ATG7: variants seen among roughly 807,000 people sequenced by gnomAD.
ATG7 encodes the protein autophagy related 7.
ATG7 carries 70 observed loss-of-function variants against 82.4 expected under a neutral mutation model. The ratio of observed to expected loss-of-function variants is 0.85; its 90% CI spans 0.70 to 1.04. The LOEUF is 1.04. Ranked by LOEUF, ATG7 falls within the 50% of genes least tolerant of loss-of-function variation. The probability of loss-of-function intolerance (pLI) is 0.00; values close to 1 mark genes in which losing one functional copy is unlikely to be tolerated. For synonymous variants in ATG7, 287 were observed against 313.0 expected (o/e 0.92, Z 0.88); for missense variants, 792 against 864.3 (o/e 0.92, Z 1.05).
the ATG7 span, chr3:11,564,790 G>C: frequency 3.2e-6 from 5 of 1,542,110 alleles, no homozygotes; most frequent in Non-Finnish European, 4.4e-6. Flanking sequence ...CCCAGACAGA[G>C]GCCCACCTGC....
intron 9 of ATG7, among the ~76,000 whole-genome samples, chr3:11,327,822 C>T (rs1951089608): frequency 6.6e-6 from 1 of 152,158 alleles, no homozygotes; most frequent in Non-Finnish European, 1.5e-5. Context: ...GTGTATGAAT[C>T]ACCTGGGTTC....
At chr3:11,366,218 C>T (rs892749813) in intron 18 of ATG7, among the ~76,000 whole-genome samples, 10 of 60,648 alleles carry the variant, frequency 1.6e-4, no homozygotes, top group Non-Finnish European at 2.8e-4. Context: ...GACTCCATCT[C>T]AAAAAAAAAA....
At chr3:11,415,801 T>C (rs1375837677) in intron 19 of ATG7, among the ~76,000 whole-genome samples, 2 of 151,698 alleles carry the variant, frequency 1.3e-5, no homozygotes, top group African/African-American at 4.8e-5. Flanking sequence ...TACACTTTGC[T>C]AAAATAATGC....
At chr3:11,450,351 G>T (rs1213205514) in intron 20 of ATG7, among the ~76,000 whole-genome samples, 3 of 152,156 alleles carry the variant, frequency 2.0e-5, no homozygotes, top group African/African-American at 7.2e-5. Flanking sequence ...AGGCCTTCAC[G>T]TGTTTGACCA....
intron 20 of ATG7, among the ~76,000 whole-genome samples, chr3:11,520,844 C>G (rs1401244538): frequency 6.6e-6 from 1 of 152,164 alleles, no homozygotes; most frequent in East Asian, 1.9e-4. Context: ...AGGAGCCACC[C>G]CACACCTCAC....
At chr3:11,347,509 G>A (rs535127203) in intron 13 of ATG7, among the ~76,000 whole-genome samples, 11 of 152,232 alleles carry the variant, frequency 7.2e-5, no homozygotes, top group South Asian at 4.1e-4. Flanking sequence ...TTAATTATTC[G>A]TTAAGGGAAA....
chr3:11,506,587 C>CAAAA lies in ATG7; in HGVS notation c.2080-48222_2080-48219dup, dbSNP rs1275955326. On this transcript the variant is annotated intron_variant, in intron 20 of 20. Coordinates refer to ENST00000693202, the MANE Select transcript of ATG7 (RefSeq NM_001349232.2). The stretch of plus-strand genomic sequence containing the variant: ...AAAAAAAAAAAAAAAAAAAAAAACC[C>CAAAA]AAAAATTAGCTGGGAGTGGTGGCAG... Among the ~76,000 whole-genome samples, 240 of 119,508 alleles carry CAAAA rather than the reference C, an allele frequency of 2.0e-3. 7 individuals carry two copies. Among genetic ancestry groups the CAAAA allele is most frequent in the Non-Finnish European group, 2.8e-3 (167 of 59,142 alleles). 78.4% of individuals were successfully genotyped at this position (119,508 alleles called of 152,430 possible). A position where few individuals can be genotyped will look rare whatever the true frequency, so the allele number is the denominator to read the frequency against.
Position 11,532,707 on chromosome 3 carries a change from A to G in ATG7, c.2080-22104A>G, listed in dbSNP as rs373410996. Among the ~76,000 whole-genome samples, 215 of 152,286 alleles carry G rather than the reference A, an allele frequency of 1.4e-3. 2 individuals are homozygous for G. Among genetic ancestry groups the G allele is most frequent in the African/African-American group, 5.0e-3 (207 of 41,566 alleles). On this transcript the variant is annotated intron_variant, in intron 20 of 20. Transcript: ENST00000693202. ...CACTGCACTCCAGTCTAGGTGACAG[A>G]GTGAGACCTGTCGTAAAAAACGAAA... is the stretch of plus-strand genomic sequence containing the variant.
chr3:11,483,373 T>G (rs1472435173), intron 20 of ATG7, among the ~76,000 whole-genome samples: 3 of 152,320 alleles, frequency 2.0e-5, no homozygotes, highest in African/African-American at 4.8e-5. Context: ...CTTAGAATTG[T>G]CAGATATCCA....
the ATG7 span, among the ~76,000 whole-genome samples, chr3:11,563,714 G>A: frequency 3.9e-5 from 6 of 152,202 alleles, no homozygotes; most frequent in Non-Finnish European, 8.8e-5. Flanking sequence ...ACTGCATCTT[G>A]CTTGACTGGC....
chr3:11,317,738 G>A (rs1192317277), intron 9 of ATG7, among the ~76,000 whole-genome samples: 1 of 152,010 alleles, frequency 6.6e-6, no homozygotes, highest in Admixed American at 6.6e-5. Context: ...GACTACAGGT[G>A]CGCACCATCA....
chr3:11,351,632 T>C (rs1194347437), intron 14 of ATG7, among the ~76,000 whole-genome samples: 1 of 152,220 alleles, frequency 6.6e-6, no homozygotes, highest in Non-Finnish European at 1.5e-5. Flanking sequence ...ATTGTGTTAC[T>C]CTGTTTTCCC....
intron 1 of ATG7, among the ~76,000 whole-genome samples, chr3:11,277,622 A>G (rs1003006543): frequency 2.6e-5 from 4 of 152,244 alleles, no homozygotes; most frequent in African/African-American, 9.6e-5. Flanking sequence ...AGTGGGTCAC[A>G]AAGATCACAT....
intron 19 of ATG7, among the ~76,000 whole-genome samples, chr3:11,421,558 A>G (rs1248830111): frequency 2.6e-5 from 4 of 151,996 alleles, no homozygotes; most frequent in Non-Finnish European, 1.5e-5. Flanking sequence ...TTTTCACCAC[A>G]CCTACAGTGA....
At chr3:11,558,389 G>T, downstream of ATG7, 1 of 1,153,838 alleles carries the variant, frequency 8.7e-7, no homozygotes, top group Non-Finnish European at 1.2e-6. Context: ...CGGATACCAA[G>T]CAAGTACAAA....
At chr3:11,292,346 G>A (rs557194200) in intron 3 of ATG7, among the ~76,000 whole-genome samples, 29 of 148,732 alleles carry the variant, frequency 1.9e-4, no homozygotes, top group Non-Finnish European at 3.8e-4. Flanking sequence ...TGCAACCTCC[G>A]CCTCCTGGGT....
chr3:11,484,071 G>A (rs1195509777), intron 20 of ATG7, among the ~76,000 whole-genome samples: 1 of 152,194 alleles, frequency 6.6e-6, no homozygotes, highest in Admixed American at 6.5e-5. Flanking sequence ...ATAGTTTGCA[G>A]CCTAAGAGGA....
intron 16 of ATG7, among the ~76,000 whole-genome samples, chr3:11,362,351 G>T (rs907103717): frequency 6.6e-6 from 1 of 152,228 alleles, no homozygotes; most frequent in Non-Finnish European, 1.5e-5. Context: ...ACTGAGGGCC[G>T]CAGGAATAGT....
Position 11,360,723 on chromosome 3 carries a change from C to A in ATG7, c.1622C>A (p.Ala541Asp). The change falls in exon 16 of 21, where the codon GCC becomes GAC. Residue 541 changes from alanine (A) to aspartate (D), a missense_variant. Coordinates refer to ENST00000693202, the MANE Select transcript of ATG7 (RefSeq NM_001349232.2). ...SADLLGSSLF[A>D]NIPGYKLGCY... ...GACCTCCTGGGCTCATCGCTTTTTG[C>A]CAACATCCCTGGTTACAAGCTTGGC... 2 of 1,614,162 alleles carry A rather than the reference C, an allele frequency of 1.2e-6. No individual in the cohort carries two copies. Among genetic ancestry groups the A allele is most frequent in the Non-Finnish European group, 8.5e-7 (1 of 1,180,022 alleles).
Sources: allele counts gnomAD v4.1 joint callset (sites outside exome capture counted in the v4.1 genomes callset), GRCh38; gene constraint gnomAD v4.1.1; transcripts MANE v1.5; gene names NCBI Gene and HGNC (gene_info 2026-07-23, HGNC 2026-07-21).